THBS1: variants seen among roughly 807,000 people sequenced by gnomAD.
THBS1 encodes thrombospondin-1.
In THBS1, 29 loss-of-function variants were observed where a neutral mutation model predicts 126.1. The observed-to-expected ratio is 0.23, with a 90% CI of 0.17 to 0.31. The LOEUF (loss-of-function observed/expected upper bound fraction) is 0.31. Among genes scored for constraint, THBS1 ranks in the 10% least tolerant of loss-of-function variants. THBS1 has a pLI of 1.00. For missense variants in THBS1, 1,198 were observed against 1,545.2 expected (o/e 0.78, Z 3.77); for synonymous variants, 496 against 577.8 (o/e 0.86, Z 2.03).
At chr15:39,591,678 T>G in intron 16 of THBS1, 55 bp downstream of exon 16, 2 of 1,490,272 alleles carry the variant, frequency 1.3e-6, no homozygotes. Context: ...AATATCCCTT[T>G]CATGGCCTTT....
chr15:39,595,329 T>G (rs1387533766), intron 21 of THBS1, 33 bp from the exon 22 acceptor site: 2 of 1,324,384 alleles, frequency 1.5e-6, no homozygotes, highest in African/African-American at 1.5e-5. Flanking sequence ...TAGTTTTCAT[T>G]TGTATATTTA....
At chr15:39,583,579 T>C in intron 3 of THBS1, 38 bp from the exon 4 acceptor site, 21 of 872,812 alleles carry the variant, frequency 2.4e-5, no homozygotes, top group East Asian at 4.1e-5. Context: ...CCCACCCCGC[T>C]CTGCATTCTA....
At position 39,595,970 on chromosome 15, in the gene THBS1, AT is replaced by A; in HGVS notation, c.*602del. ...CTGACTGGCGTTAGCTGATTAACCCATGTAAATAGGCACTTAAATAGAAGCA... is the reference window on the plus strand; with the variant it reads ...CTGACTGGCGTTAGCTGATTAACCCAGTAAATAGGCACTTAAATAGAAGCA... On this transcript the variant is annotated 3_prime_UTR_variant, in exon 22 of 22. Coordinates refer to ENST00000260356, the MANE Select transcript of THBS1 (RefSeq NM_003246.4). 2.4e-6 allele frequency: 1 copy of A among 415,836 alleles called. No individual in the cohort carries two copies. The highest frequency in any genetic ancestry group is 1.7e-5 in the South Asian group (1 of 57,522). The allele number at this position is 415,836 out of a possible 1,614,324, so 25.8% of individuals were successfully genotyped here. A position where few individuals can be genotyped will look rare whatever the true frequency, so the allele number is the denominator to read the frequency against.
Position 39,589,035 on chromosome 15 carries a change from T to G in THBS1, c.1722T>G (p.Ala574=). 1 of 1,614,160 alleles carries G rather than the reference T, an allele frequency of 6.2e-7. No homozygotes were observed. Among genetic ancestry groups the G allele is most frequent in the Non-Finnish European group, 8.5e-7 (1 of 1,180,032 alleles). Residue 574 remains alanine, a synonymous_variant, in exon 11 of 22, where the codon GCT becomes GCG. Coordinates refer to ENST00000260356, the MANE Select transcript of THBS1 (RefSeq NM_003246.4). This position sits in a 1 kb window ranked among gnomAD's most constrained non-coding sequence, Gnocchi z 4.7. ...SYPDGSWKCG[A]CPPGYSGNGI... is the part of the protein sequence containing the mutation. Reference sequence around the variant, plus strand: ...CTGATGGCAGCTGGAAATGTGGTGCTTGTCCCCCTGGTTACAGTGGAAATG... The same window carrying G: ...CTGATGGCAGCTGGAAATGTGGTGCGTGTCCCCCTGGTTACAGTGGAAATG...
At position 39,587,500 on chromosome 15, in the gene THBS1, T is replaced by C; in HGVS notation, c.1274T>C (p.Ile425Thr). 1 of 1,613,310 alleles carries C rather than the reference T, an allele frequency of 6.2e-7. No homozygotes were observed. The highest frequency in any genetic ancestry group is 2.2e-5 in the East Asian group (1 of 44,870). Residue 425 changes from isoleucine (I) to threonine (T), a missense_variant, in exon 8 of 22, where the codon ATT (isoleucine) becomes ACT (threonine). By Grantham distance (89) the Ile-to-Thr change is moderately conservative (BLOSUM62 -1). Around this residue, in one of 4 missense-constraint regions of THBS1, gnomAD observed 663 missense variants for 860.1 expected, o/e 0.77. Transcript: ENST00000260356. ...TCGGTCCAGACACGGACCTGCCACA[T>C]TCAGGAGTGTGACAAGAGATGTAAG... Reference protein sequence around the residue: ...GSSVQTRTCHIQECDKRFKQD... With the variant: ...GSSVQTRTCHTQECDKRFKQD...
At chr15:39,581,774 G>C (rs1267327745) in intron 1 of THBS1, 55 bp from the exon 2 acceptor site, 7 of 1,203,416 alleles carry the variant, frequency 5.8e-6, no homozygotes, top group Non-Finnish European at 8.5e-6. Flanking sequence ...TCTGCGCACC[G>C]TCCCTCCCTG....
At chr15:39,583,582 G>GC in intron 3 of THBS1, 35 bp from the exon 4 acceptor site, 1 of 1,525,760 alleles carries the variant, frequency 6.6e-7, no homozygotes, top group South Asian at 1.1e-5. Flanking sequence ...ACCCCGCTCT[G>GC]CATTCTACAA....
At position 39,581,919 on chromosome 15, in the gene THBS1, T is replaced by A; in HGVS notation, c.62T>A (p.Ile21Asn). The part of the protein sequence containing the change: ...FLMHVCGTNR[I>N]PESGGDNSVF... ...ATGCATGTGTGTGGCACCAACCGCATTCCAGGTGAGTTTGTGTGGCACCTT... is the reference window on the plus strand; with the variant it reads ...ATGCATGTGTGTGGCACCAACCGCAATCCAGGTGAGTTTGTGTGGCACCTT... The change falls in exon 2 of 22, where the codon ATT becomes AAT. Residue 21 changes from isoleucine to asparagine, a missense_variant. Ile to Asn is a moderately radical substitution (Grantham distance 149, BLOSUM62 -3). Transcript: ENST00000260356. 6.2e-7 allele frequency: 1 copy of A among 1,614,138 alleles called. No individual in the cohort carries two copies.
At position 39,589,358 on chromosome 15, in the gene THBS1, C is replaced by T. The variant is rs769703630; in HGVS notation, c.1926+4C>T. On this transcript the variant is annotated splice_donor_region_variant and intron_variant, in intron 12 of 21. Transcript: ENST00000260356. The surrounding 1 kb of genome is among the most constrained non-coding windows in gnomAD (Gnocchi z 4.7). The stretch of plus-strand genomic sequence containing the variant: ...ACATGCCACGGCCAACAAACAGGTA[C>T]AGTCAACTAGACGAGTAAACCAGAG... The T allele has an allele frequency of 1.2e-6, 2 of 1,613,750 alleles. No individual in the cohort carries two copies. Among genetic ancestry groups the T allele is most frequent in the Middle Eastern group, 1.7e-4 (1 of 6,060 alleles).
rs200280638 is a variant in THBS1 at position 39,584,212 on chromosome 15, G to A, written c.903+25G>A. The stretch of plus-strand genomic sequence containing the variant: ...GGTCAGTGGCCTCTGCACCCAGCCC[G>A]TTAGCATGAACCCTGGAAGGTTTAT... On this transcript the variant is annotated intron_variant, in intron 5 of 21. Coordinates refer to ENST00000260356, the MANE Select transcript of THBS1 (RefSeq NM_003246.4). 233 of 1,613,856 alleles carry A rather than the reference G, an allele frequency of 1.4e-4. 1 individual carries two copies. In the South Asian group the frequency reaches 1.5e-3, roughly 11 times the overall value.
chr15:39,590,503 T>C lies in THBS1; in HGVS notation c.2146-13T>C. ...GGCAACTGAAGCAGTGATATATATC[T>C]TCTCTTTCCTAGGATAATTGCCCCA... On this transcript the variant is annotated splice_polypyrimidine_tract_variant and intron_variant, in intron 13 of 21. Transcript: ENST00000260356. 1 of 1,607,396 alleles carries C rather than the reference T, an allele frequency of 6.2e-7. No homozygotes were observed. Among genetic ancestry groups the C allele is most frequent in the Non-Finnish European group, 8.5e-7 (1 of 1,175,630 alleles).
Position 39,585,525 on chromosome 15 carries a change from C to T in THBS1, c.1082C>T (p.Ala361Val). 1.2e-6 allele frequency: 2 copies of T among 1,614,184 alleles called. No homozygotes were observed. Among genetic ancestry groups the T allele is most frequent in the Non-Finnish European group, 8.5e-7 (1 of 1,180,042 alleles). Residue 361 changes from alanine (A) to valine (V), a missense_variant, in exon 7 of 22, where the codon GCC (alanine) becomes GTC (valine). Physicochemically the swap from Ala to Val is moderately conservative, Grantham distance 64. Coordinates refer to ENST00000260356, the MANE Select transcript of THBS1 (RefSeq NM_003246.4). ...VSCPIMPCSN[A>V]TVPDGECCPR... ...TGCCCCATCATGCCCTGCTCCAATG[C>T]CACAGTTCCTGATGGAGAATGCTGT...
At position 39,582,311 on chromosome 15, in the gene THBS1, G is replaced by A. The variant is rs1293241656; in HGVS notation, c.186G>A (p.Glu62=). ...CTTCCAGCCCAGCTTTCCGCATCGAGGATGCCAACCTGATCCCCCCTGTGC... is the reference window on the plus strand; with the variant it reads ...CTTCCAGCCCAGCTTTCCGCATCGAAGATGCCAACCTGATCCCCCCTGTGC... ...PDPSSPAFRI[E]DANLIPPVPD... The change falls in exon 3 of 22, where the codon GAG becomes GAA. Residue 62 remains glutamate (E), a synonymous_variant. Coordinates refer to ENST00000260356, the MANE Select transcript of THBS1 (RefSeq NM_003246.4). 2.2e-5 allele frequency: 35 copies of A among 1,614,206 alleles called. No homozygotes were observed. The highest frequency in any genetic ancestry group is 2.9e-5 in the Non-Finnish European group (34 of 1,180,036).
chr15:39,591,017 T>A, intron 14 of THBS1, 174 bp from the exon 15 acceptor site: 1 of 699,180 alleles, frequency 1.4e-6, no homozygotes, highest in Non-Finnish European at 2.3e-6. Context: ...TTTTTTTAAC[T>A]ATGTCCTTTT....
At position 39,593,307 on chromosome 15, in the gene THBS1, ATCCCTGT is replaced by A; in HGVS notation, c.2995+81_2996-83del. 6.2e-7 allele frequency: 1 copy of A among 1,611,660 alleles called. No homozygotes were observed. The highest frequency in any genetic ancestry group is 1.1e-5 in the South Asian group (1 of 90,958). On this transcript the variant is annotated intron_variant, in intron 18 of 21. Transcript: ENST00000260356. This position sits in a 1 kb window ranked among gnomAD's most constrained non-coding sequence, Gnocchi z 5.9. ...AATATAAAACCTGGCAGTTGTACCTATCCCTGTGGGTGCTGAGGATGTCTAGGAACAT... is the reference window on the plus strand; with the variant it reads ...AATATAAAACCTGGCAGTTGTACCTAGGGTGCTGAGGATGTCTAGGAACAT...
chr15:39,592,465 TGTATCA>T lies in THBS1; in HGVS notation c.2533-102_2533-97del, dbSNP rs1304219903. On this transcript the variant is annotated intron_variant, in intron 16 of 21. Transcript: ENST00000260356. This position sits in a 1 kb window ranked among gnomAD's most constrained non-coding sequence, Gnocchi z 4.3. ...TAAATAGACATGACACCCCACTGGC[TGTATCA>T]AACAATGGAGAATTTTCCCTGTGGT... 1.2e-6 allele frequency: 1 copy of T among 864,590 alleles called. No individual in the cohort carries two copies. The highest frequency in any genetic ancestry group is 1.8e-6 in the Non-Finnish European group (1 of 554,850). 53.6% of individuals were successfully genotyped at this position (864,590 alleles called of 1,614,324 possible). A position where few individuals can be genotyped will look rare whatever the true frequency, so the allele number is the denominator to read the frequency against.
At chr15:39,585,588 A>G (rs1566839381) in intron 7 of THBS1, 25 bp downstream of exon 7, 1 of 1,606,532 alleles carries the variant, frequency 6.2e-7, no homozygotes. Flanking sequence ...TGGCATAGCT[A>G]TTCTTCAGTG....
At position 39,598,181 on chromosome 15, in the gene THBS1, A is replaced by G. The variant is rs1890521274; in HGVS notation, c.*2812A>G. ...CCAGTTAATTTCCAGTTTTAATGAA[A>G]ACAGATCAAAGAAGAAATTTTATGA... On this transcript the variant is annotated 3_prime_UTR_variant, in exon 22 of 22. Transcript: ENST00000260356. 1 of 152,222 alleles carries G rather than the reference A, an allele frequency of 6.6e-6. No individual in the cohort carries two copies. The highest frequency in any genetic ancestry group is 1.5e-5 in the Non-Finnish European group (1 of 68,036). 9.4% of individuals were successfully genotyped at this position (152,222 alleles called of 1,614,324 possible).
At position 39,581,842 on chromosome 15, in the gene THBS1, C is replaced by T. The variant is rs771625942; in HGVS notation, c.-16C>T. ...TTCCTGCTACAGGATCCCTGCTGGGCACCAACAGCTCCACCATGGGGCTGG... is the reference window on the plus strand; with the variant it reads ...TTCCTGCTACAGGATCCCTGCTGGGTACCAACAGCTCCACCATGGGGCTGG... On this transcript the variant is annotated 5_prime_UTR_variant, in exon 2 of 22. Transcript: ENST00000260356. 11 of 1,612,972 alleles carry T rather than the reference C, an allele frequency of 6.8e-6. No individual in the cohort carries two copies. The South Asian group carries it at 1.2e-4, about 18-fold the overall frequency.
Sources: allele counts gnomAD v4.1 joint callset, GRCh38; gene constraint gnomAD v4.1.1; regional missense constraint gnomAD v4.1.1; non-coding constraint Gnocchi (gnomAD v3.1); transcripts MANE v1.5; gene names NCBI Gene and HGNC (gene_info 2026-07-23, HGNC 2026-07-21).